The following KLHDC4 variants were observed in gnomAD, a reference collection of about 807,000 sequenced individuals.
KLHDC4 encodes the protein kelch domain containing 4.
Under a neutral mutation model 62.4 loss-of-function variants are expected in KLHDC4, and 90 were observed. The observed-to-expected ratio is 1.44, with a 90% confidence interval of 1.22 to 1.72. KLHDC4 has a LOEUF of 1.72. Among genes scored for constraint, KLHDC4 ranks in the 40% most tolerant of loss-of-function variants. The pLI, the probability that KLHDC4 is intolerant of heterozygous loss-of-function variation, is 0.00. For missense variants in KLHDC4, 1,025 were observed against 699.7 expected, an observed-to-expected ratio of 1.47 and a Z score of -5.25; for synonymous variants, 386 against 284.4, an observed-to-expected ratio of 1.36 and a Z score of -3.59.
intron 5 of KLHDC4, among the ~76,000 whole-genome samples, chr16:87,748,344 G>C (rs1393025739): frequency 6.6e-6 from 1 of 152,162 alleles, no homozygotes; most frequent in African/African-American, 2.4e-5. Context: ...CTTCCAACAA[G>C]CTGGGCACCC....
chr16:87,728,055 C>T (rs1485393593), intron 6 of KLHDC4, among the ~76,000 whole-genome samples: 1 of 152,060 alleles, frequency 6.6e-6, no homozygotes, highest in African/African-American at 2.4e-5. Context: ...AGCATGGGGG[C>T]GGGTGCCTAT....
intron 8 of KLHDC4, 22 bp from the exon 9 acceptor site, chr16:87,711,465 G>T: frequency 1.3e-6 from 2 of 1,592,866 alleles, no homozygotes; most frequent in South Asian, 1.1e-5. Context: ...GAACAAGGAA[G>T]TGGGATAAGA....
At chr16:87,760,150 GA>G (rs2045639482) in intron 2 of KLHDC4, among the ~76,000 whole-genome samples, 1 of 151,282 alleles carries the variant, frequency 6.6e-6, no homozygotes, top group Admixed American at 6.6e-5. Context: ...CTGACCCAGG[GA>G]ACTGCCAACA....
intron 5 of KLHDC4, among the ~76,000 whole-genome samples, chr16:87,745,129 G>A (rs571499622): frequency 9.2e-5 from 14 of 152,308 alleles, no homozygotes; most frequent in South Asian, 2.1e-4. Flanking sequence ...CAGGGGACAC[G>A]CACATTTAAA....
At chr16:87,749,824 C>T (rs2043638413) in intron 4 of KLHDC4, among the ~76,000 whole-genome samples, 1 of 152,166 alleles carries the variant, frequency 6.6e-6, no homozygotes, top group Non-Finnish European at 1.5e-5. Context: ...AATTCTCCCG[C>T]CTCGGCCTCC....
chr16:87,712,368 C>T (rs1052362027), intron 8 of KLHDC4, among the ~76,000 whole-genome samples: 2 of 152,208 alleles, frequency 1.3e-5, no homozygotes, highest in African/African-American at 4.8e-5. Flanking sequence ...GCTCTGGGGC[C>T]CCCGCCTCAT....
exon 1 of KLHDC4, chr16:87,700,857 G>GGGCGGAGGGAGGA (rs2034113535): frequency 7.9e-6 from 2 of 254,208 alleles, no homozygotes; most frequent in African/African-American, 2.4e-5. Flanking sequence ...GGAGGTTGGA[G>GGGCGGAGGGAGGA]GGTGGAGGGA....
At chr16:87,754,979 G>A (rs1350146459) in intron 4 of KLHDC4, among the ~76,000 whole-genome samples, 1 of 152,168 alleles carries the variant, frequency 6.6e-6, no homozygotes, top group Non-Finnish European at 1.5e-5. Flanking sequence ...AATATTTCAT[G>A]TGATCCTCAT....
intron 5 of KLHDC4, among the ~76,000 whole-genome samples, chr16:87,732,003 G>C (rs967150101): frequency 6.6e-6 from 1 of 152,032 alleles, no homozygotes; most frequent in Non-Finnish European, 1.5e-5. Context: ...ATAGCTGCTC[G>C]GGGCAGGAGC....
At chr16:87,736,853 G>A (rs1418346090) in intron 5 of KLHDC4, among the ~76,000 whole-genome samples, 13 of 152,180 alleles carry the variant, frequency 8.5e-5, no homozygotes, top group East Asian at 5.8e-4. Context: ...GGCCGGGCGC[G>A]GTGGCTCACG....
chr16:87,754,932 G>A (rs2044625353), intron 4 of KLHDC4, among the ~76,000 whole-genome samples: 1 of 152,190 alleles, frequency 6.6e-6, no homozygotes, highest in African/African-American at 2.4e-5. Context: ...GCCAGTGGCT[G>A]CGACACACCA....
chr16:87,709,840 G>T (rs774940483), intron 9 of KLHDC4, 173 bp from the exon 10 acceptor site: 4 of 722,946 alleles, frequency 5.5e-6, no homozygotes, highest in South Asian at 1.9e-5. Context: ...TGGGCTGCAG[G>T]AGCACGCTCC....
At chr16:87,734,727 C>T (rs1165913832) in intron 5 of KLHDC4, among the ~76,000 whole-genome samples, 1 of 152,170 alleles carries the variant, frequency 6.6e-6, no homozygotes. Context: ...CCAGCAGGAT[C>T]TCAGCTCACT....
chr16:87,745,875 T>C (rs1173988390), intron 5 of KLHDC4, among the ~76,000 whole-genome samples: 1 of 152,200 alleles, frequency 6.6e-6, no homozygotes, highest in Non-Finnish European at 1.5e-5. Context: ...CGTCAGGGTC[T>C]TAACAACTGA....
intron 5 of KLHDC4, among the ~76,000 whole-genome samples, chr16:87,731,845 G>A (rs953570971): frequency 6.6e-6 from 1 of 152,206 alleles, no homozygotes; most frequent in African/African-American, 2.4e-5. Context: ...CCACATGGGG[G>A]AGGACTTCTC....
chr16:87,760,702 G>C (rs1597414946), intron 2 of KLHDC4, among the ~76,000 whole-genome samples: 1 of 150,128 alleles, frequency 6.7e-6, no homozygotes, highest in Admixed American at 6.7e-5. Context: ...AGAAGCCTAA[G>C]ATCAAGGATT....
intron 7 of KLHDC4, among the ~76,000 whole-genome samples, chr16:87,724,251 G>A (rs11861102): frequency 0.67 from 101,518 of 152,004 alleles, 34,268 homozygotes; most frequent in African/African-American, 0.76. Flanking sequence ...AGATCACAGG[G>A]CTAACTGTGA....
At chr16:87,714,702 C>G (rs201118953) in intron 7 of KLHDC4, 129 bp from the exon 8 acceptor site, 1 of 929,650 alleles carries the variant, frequency 1.1e-6, no homozygotes, top group East Asian at 2.4e-5. Context: ...CCCCAAAGCT[C>G]CAAAGCGTGC....
intron 4 of KLHDC4, among the ~76,000 whole-genome samples, chr16:87,751,437 G>A (rs551000079): frequency 7.3e-5 from 11 of 150,656 alleles, no homozygotes; most frequent in African/African-American, 2.7e-4. Flanking sequence ...TCGCACCACT[G>A]CACTCCAGCC....
Sources: gnomAD v4.1 joint callset for allele counts (sites outside exome capture counted in the v4.1 genomes callset) on GRCh38, gnomAD v4.1.1 for gene constraint, MANE v1.5 for transcripts, NCBI Gene and HGNC (gene_info 2026-07-23, HGNC 2026-07-21) for gene names.